The following MCEMP1 variants were observed in gnomAD, a reference collection of about 807,000 sequenced individuals.
MCEMP1 encodes the protein mast cell expressed membrane protein 1, also known as mast cell-expressed membrane protein 1.
A neutral mutation model predicts 27.9 loss-of-function variants in MCEMP1; 17 were observed. That is an observed-to-expected ratio of 0.61 (90% confidence interval 0.42 to 0.91). MCEMP1 has a LOEUF of 0.91. Among genes scored for constraint, MCEMP1 ranks in the 40% least tolerant of loss-of-function variants. The pLI is 0.00. For missense variants in MCEMP1, 200 were observed against 204.8 expected (o/e 0.98, Z 0.14); for synonymous variants, 88 against 76.9 (o/e 1.14, Z -0.76).
chr19:7,678,214 A>G lies in MCEMP1; in HGVS notation c.256A>G (p.Ile86Val), dbSNP rs749989642. The G allele has an allele frequency of 9.3e-6, 15 of 1,614,058 alleles. No homozygotes were observed. The highest frequency in any genetic ancestry group is 1.3e-5 in the Non-Finnish European group (15 of 1,179,988). The part of the protein sequence containing the change: ...LLALAFVLCI[I>V]LSAFIMVKNA... Reference sequence around the variant, plus strand: ...GGCCCTGGCCTTTGTCCTCTGCATCATCCTGTCAGCCTTCATCATGGTGAA... The same window carrying G: ...GGCCCTGGCCTTTGTCCTCTGCATCGTCCTGTCAGCCTTCATCATGGTGAA... Residue 86 changes from isoleucine (I) to valine (V), a missense_variant, in exon 3 of 7, where the codon ATC becomes GTC. Physicochemically the swap from Ile to Val is conservative, Grantham distance 29. Coordinates refer to ENST00000333598, the MANE Select transcript of MCEMP1 (RefSeq NM_174918.3). This position sits in a 1 kb window ranked among gnomAD's most constrained non-coding sequence, Gnocchi z 4.8.
chr19:7,679,236 AG>A lies in MCEMP1; in HGVS notation c.*123del, dbSNP rs2032593672. 4.1e-6 allele frequency: 5 copies of A among 1,205,466 alleles called. No homozygotes were observed. In the Admixed American group the frequency reaches 1.2e-4, roughly 28 times the overall value. The allele number at this position is 1,205,466 out of a possible 1,614,324, so 74.7% of individuals were successfully genotyped here. A position where few individuals can be genotyped will look rare whatever the true frequency, so the allele number is the denominator to read the frequency against. ...TGAACCTGCCCCTCGTCCCACGTAT[AG>A]AAAAACCTCGAGTCATGGTGAATGA... On this transcript the variant is annotated 3_prime_UTR_variant, in exon 7 of 7. Transcript: ENST00000333598. This position sits in a 1 kb window ranked among gnomAD's most constrained non-coding sequence, Gnocchi z 4.9.
In MCEMP1 at chr19:7,678,914, C is replaced by T. The variant is rs1015899791; in HGVS notation, c.449-10C>T. 1.8e-5 allele frequency: 27 copies of T among 1,520,546 alleles called. No individual in the cohort carries two copies. The highest frequency in any genetic ancestry group is 1.4e-4 in the African/African-American group (10 of 72,626). The allele number at this position is 1,520,546 out of a possible 1,614,324, so 94.2% of individuals were successfully genotyped here. ...TTATCTGTTCCCACCCAACCCTCCC[C>T]GCCCCCTAGGCATAAAAAACATTGA... On this transcript the variant is annotated splice_polypyrimidine_tract_variant and intron_variant, in intron 5 of 6. Transcript: ENST00000333598. This position sits in a 1 kb window ranked among gnomAD's most constrained non-coding sequence, Gnocchi z 4.8.
chr19:7,678,849 G>C lies in MCEMP1; in HGVS notation c.449-75G>C. The C allele has an allele frequency of 7.0e-7, 1 of 1,419,168 alleles. No individual in the cohort carries two copies. Among genetic ancestry groups the C allele is most frequent in the South Asian group, 1.3e-5 (1 of 76,922 alleles). 87.9% of individuals were successfully genotyped at this position (1,419,168 alleles called of 1,614,324 possible). ...GTGGGGCAGGGGGGGTGCTTCCAAG[G>C]AAGGTGGGGGCTTTGTTTGAGGCTC... On this transcript the variant is annotated intron_variant, in intron 5 of 6. Coordinates refer to ENST00000333598, the MANE Select transcript of MCEMP1 (RefSeq NM_174918.3). The surrounding 1 kb of genome is among the most constrained non-coding windows in gnomAD (Gnocchi z 4.8).
At position 7,679,249 on chromosome 19, in the gene MCEMP1, G is replaced by A. The variant is rs1368639028; in HGVS notation, c.*135G>A. The A allele has an allele frequency of 1.8e-6, 2 of 1,123,476 alleles. No homozygotes were observed. Among genetic ancestry groups the A allele is most frequent in the Non-Finnish European group, 2.5e-6 (2 of 800,692 alleles). 69.6% of individuals were successfully genotyped at this position (1,123,476 alleles called of 1,614,324 possible). A position where few individuals can be genotyped will look rare whatever the true frequency, so the allele number is the denominator to read the frequency against. On this transcript the variant is annotated 3_prime_UTR_variant, in exon 7 of 7. Coordinates refer to ENST00000333598, the MANE Select transcript of MCEMP1 (RefSeq NM_174918.3). This position sits in a 1 kb window ranked among gnomAD's most constrained non-coding sequence, Gnocchi z 4.9. ...CGTCCCACGTATAGAAAAACCTCGA[G>A]TCATGGTGAATGAGTGTCTCGGAGT...
chr19:7,678,634 G>A lies in MCEMP1; in HGVS notation c.448+30G>A, dbSNP rs936648983. On this transcript the variant is annotated intron_variant, in intron 5 of 6. Transcript: ENST00000333598. The surrounding 1 kb of genome is among the most constrained non-coding windows in gnomAD (Gnocchi z 4.8). ...CTGTGTAGTCTCGCCTTCTATGGGG[G>A]TTATTTGTCACCAATGCCCGGAGCT... 6.3e-7 allele frequency: 1 copy of A among 1,578,418 alleles called. No homozygotes were observed. The highest frequency in any genetic ancestry group is 8.7e-7 in the Non-Finnish European group (1 of 1,151,988).
At position 7,678,842 on chromosome 19, in the gene MCEMP1, T is replaced by C; in HGVS notation, c.449-82T>C. 7.2e-7 allele frequency: 1 copy of C among 1,397,740 alleles called. No homozygotes were observed. Among genetic ancestry groups the C allele is most frequent in the East Asian group, 2.5e-5 (1 of 40,106 alleles). The allele number at this position is 1,397,740 out of a possible 1,614,324, so 86.6% of individuals were successfully genotyped here. On this transcript the variant is annotated intron_variant, in intron 5 of 6. Transcript: ENST00000333598. This position sits in a 1 kb window ranked among gnomAD's most constrained non-coding sequence, Gnocchi z 4.8. ...GGTGGGTGTGGGGCAGGGGGGGTGC[T>C]TCCAAGGAAGGTGGGGGCTTTGTTT...
In MCEMP1 at chr19:7,677,284, A is replaced by T. The variant is rs1727305772; in HGVS notation, c.55+109A>T. 1.0e-6 allele frequency: 1 copy of T among 970,086 alleles called. No homozygotes were observed. Among genetic ancestry groups the T allele is most frequent in the South Asian group, 1.5e-5 (1 of 66,982 alleles). The allele number at this position is 970,086 out of a possible 1,614,324, so 60.1% of individuals were successfully genotyped here. A position where few individuals can be genotyped will look rare whatever the true frequency, so the allele number is the denominator to read the frequency against. On this transcript the variant is annotated intron_variant, in intron 1 of 6. Coordinates refer to ENST00000333598, the MANE Select transcript of MCEMP1 (RefSeq NM_174918.3). The surrounding 1 kb of genome is among the most constrained non-coding windows in gnomAD (Gnocchi z 4.6). ...CACTTTGGGAGGCTGAGGCGGGAGG[A>T]TTGCGTGAGCCCTGGAGGTGGAGAC...
Position 7,678,899 on chromosome 19 carries a change from C to T in MCEMP1, c.449-25C>T. On this transcript the variant is annotated intron_variant, in intron 5 of 6. Coordinates refer to ENST00000333598, the MANE Select transcript of MCEMP1 (RefSeq NM_174918.3). This position sits in a 1 kb window ranked among gnomAD's most constrained non-coding sequence, Gnocchi z 4.8. ...CCACCGCAGCTTGACTTATCTGTTC[C>T]CACCCAACCCTCCCCGCCCCCTAGG... 2 of 946,648 alleles carry T rather than the reference C, an allele frequency of 2.1e-6. No individual in the cohort carries two copies. The highest frequency in any genetic ancestry group is 1.4e-5 in the South Asian group (1 of 72,356). 58.6% of individuals were successfully genotyped at this position (946,648 alleles called of 1,614,324 possible). A position where few individuals can be genotyped will look rare whatever the true frequency, so the allele number is the denominator to read the frequency against.
At position 7,677,751 on chromosome 19, in the gene MCEMP1, A is replaced by G; in HGVS notation, c.145+25A>G. On this transcript the variant is annotated intron_variant, in intron 2 of 6. Coordinates refer to ENST00000333598, the MANE Select transcript of MCEMP1 (RefSeq NM_174918.3). The surrounding 1 kb of genome is among the most constrained non-coding windows in gnomAD (Gnocchi z 4.6). ...GGTGAGCAGACACCCACCTGCTCAC[A>G]TCCCATCACCTTGGGAAGGGGCAGG... is the stretch of plus-strand genomic sequence containing the variant. The G allele has an allele frequency of 6.4e-7, 1 of 1,560,962 alleles. No individual in the cohort carries two copies. The highest frequency in any genetic ancestry group is 8.7e-7 in the Non-Finnish European group (1 of 1,148,924).
Position 7,678,293 on chromosome 19 carries a change from T to A in MCEMP1, c.283+52T>A, listed in dbSNP as rs1393712945. 3 of 1,613,942 alleles carry A rather than the reference T, an allele frequency of 1.9e-6. No individual in the cohort carries two copies. The highest frequency in any genetic ancestry group is 2.5e-6 in the Non-Finnish European group (3 of 1,179,974). ...TGGGGGGCCTAGACTTTCTCCCTTG[T>A]CCTTCTCTCTCTCTCTCCCTGGGTG... is the stretch of plus-strand genomic sequence containing the variant. On this transcript the variant is annotated intron_variant, in intron 3 of 6. Transcript: ENST00000333598. This position sits in a 1 kb window ranked among gnomAD's most constrained non-coding sequence, Gnocchi z 4.8.
At position 7,678,709 on chromosome 19, in the gene MCEMP1, C is replaced by G. The variant is rs1288688829; in HGVS notation, c.448+105C>G. 8.0e-7 allele frequency: 1 copy of G among 1,250,014 alleles called. No homozygotes were observed. Among genetic ancestry groups the G allele is most frequent in the East Asian group, 2.5e-5 (1 of 40,206 alleles). The allele number at this position is 1,250,014 out of a possible 1,614,324, so 77.4% of individuals were successfully genotyped here. ...GAGGAGAAAGCCGGGGTCCTACCCT[C>G]CCAAAGCTCAAGTTGTGGAGGGGCG... On this transcript the variant is annotated intron_variant, in intron 5 of 6. Coordinates refer to ENST00000333598, the MANE Select transcript of MCEMP1 (RefSeq NM_174918.3). The surrounding 1 kb of genome is among the most constrained non-coding windows in gnomAD (Gnocchi z 4.8).
chr19:7,678,509 C>T lies in MCEMP1; in HGVS notation c.353C>T (p.Ala118Val), dbSNP rs2032578817. ...ELWNVSNSVQ[A>V]CEERQKRGWD... The stretch of plus-strand genomic sequence containing the variant: ...CCCTCAGTCTCAAACTCCGTACAAG[C>T]ATGCGAAGAGAGACAGAAGAGAGGC... The change falls in exon 5 of 7, where the codon GCA becomes GTA. Residue 118 changes from alanine to valine, a missense_variant. Transcript: ENST00000333598. This position sits in a 1 kb window ranked among gnomAD's most constrained non-coding sequence, Gnocchi z 4.8. 2 of 1,613,958 alleles carry T rather than the reference C, an allele frequency of 1.2e-6. No homozygotes were observed. Among genetic ancestry groups the T allele is most frequent in the African/African-American group, 1.3e-5 (1 of 74,888 alleles).
At position 7,678,008 on chromosome 19, in the gene MCEMP1, G is replaced by C; in HGVS notation, c.146-96G>C. 2.7e-6 allele frequency: 4 copies of C among 1,487,366 alleles called. No individual in the cohort carries two copies. The highest frequency in any genetic ancestry group is 2.7e-5 in the South Asian group (2 of 74,544). The allele number at this position is 1,487,366 out of a possible 1,614,324, so 92.1% of individuals were successfully genotyped here. ...CATGACCACAGCTGCTGATGGTTTT[G>C]AGAGGAGCGAGGTGTCCATGGTGTT... On this transcript the variant is annotated intron_variant, in intron 2 of 6. Coordinates refer to ENST00000333598, the MANE Select transcript of MCEMP1 (RefSeq NM_174918.3). This position sits in a 1 kb window ranked among gnomAD's most constrained non-coding sequence, Gnocchi z 4.8.
chr19:7,678,732 G>A lies in MCEMP1; in HGVS notation c.448+128G>A, dbSNP rs572375297. 2.9e-4 allele frequency: 328 copies of A among 1,118,152 alleles called. 1 individual carries two copies. Among genetic ancestry groups the A allele is most frequent in the Admixed American group, 5.0e-4 (24 of 48,110 alleles). The allele number at this position is 1,118,152 out of a possible 1,614,324, so 69.3% of individuals were successfully genotyped here. On this transcript the variant is annotated intron_variant, in intron 5 of 6. Coordinates refer to ENST00000333598, the MANE Select transcript of MCEMP1 (RefSeq NM_174918.3). The surrounding 1 kb of genome is among the most constrained non-coding windows in gnomAD (Gnocchi z 4.8). The stretch of plus-strand genomic sequence containing the variant: ...CTCCCAAAGCTCAAGTTGTGGAGGG[G>A]CGATGGGTGTTACCATCTGGGTTGC...
chr19:7,677,302 G>GC lies in MCEMP1; in HGVS notation c.55+127_55+128insC. On this transcript the variant is annotated intron_variant, in intron 1 of 6. Coordinates refer to ENST00000333598, the MANE Select transcript of MCEMP1 (RefSeq NM_174918.3). This position sits in a 1 kb window ranked among gnomAD's most constrained non-coding sequence, Gnocchi z 4.6. ...CGGGAGGATTGCGTGAGCCCTGGAG[G>GC]TGGAGACTGGCCTGGGCAACATAGG... The GC allele has an allele frequency of 1.2e-6, 1 of 801,496 alleles. No individual in the cohort carries two copies. The highest frequency in any genetic ancestry group is 2.0e-6 in the Non-Finnish European group (1 of 492,310). 49.6% of individuals were successfully genotyped at this position (801,496 alleles called of 1,614,324 possible).
Position 7,678,390 on chromosome 19 carries a change from G to A in MCEMP1, c.324G>A (p.Glu108=), listed in dbSNP as rs749774425. Residue 108 remains glutamate (E), a synonymous_variant, in exon 4 of 7, where the codon GAG becomes GAA. Coordinates refer to ENST00000333598, the MANE Select transcript of MCEMP1 (RefSeq NM_174918.3). The surrounding 1 kb of genome is among the most constrained non-coding windows in gnomAD (Gnocchi z 4.8). Reference sequence around the variant, plus strand: ...AGGAGCTGCTGGGCTTTAAAAGGGAGCTTTGGAATGGTGAGCGGAGGGTCT... The same window carrying A: ...AGGAGCTGCTGGGCTTTAAAAGGGAACTTTGGAATGGTGAGCGGAGGGTCT... ...MSKELLGFKR[E]LWNVSNSVQA... 6.2e-7 allele frequency: 1 copy of A among 1,614,126 alleles called. No individual in the cohort carries two copies. Among genetic ancestry groups the A allele is most frequent in the Non-Finnish European group, 8.5e-7 (1 of 1,180,040 alleles).
chr19:7,677,266 G>A lies in MCEMP1; in HGVS notation c.55+91G>A. 1 of 1,193,762 alleles carries A rather than the reference G, an allele frequency of 8.4e-7. No homozygotes were observed. Among genetic ancestry groups the A allele is most frequent in the Non-Finnish European group, 1.2e-6 (1 of 830,456 alleles). The allele number at this position is 1,193,762 out of a possible 1,614,324, so 73.9% of individuals were successfully genotyped here. ...TCATGTCTGTAATCCTAGCACTTTG[G>A]GAGGCTGAGGCGGGAGGATTGCGTG... is the stretch of plus-strand genomic sequence containing the variant. On this transcript the variant is annotated intron_variant, in intron 1 of 6. Transcript: ENST00000333598. This position sits in a 1 kb window ranked among gnomAD's most constrained non-coding sequence, Gnocchi z 4.6.
Position 7,678,319 on chromosome 19 carries a change from C to T in MCEMP1, c.284-31C>T, listed in dbSNP as rs751167532. The T allele has an allele frequency of 6.2e-7, 1 of 1,614,022 alleles. No homozygotes were observed. Among genetic ancestry groups the T allele is most frequent in the Admixed American group, 1.7e-5 (1 of 59,996 alleles). On this transcript the variant is annotated intron_variant, in intron 3 of 6. Coordinates refer to ENST00000333598, the MANE Select transcript of MCEMP1 (RefSeq NM_174918.3). The surrounding 1 kb of genome is among the most constrained non-coding windows in gnomAD (Gnocchi z 4.8). Reference sequence around the variant, plus strand: ...CCTTCTCTCTCTCTCTCCCTGGGTGCTTCAAGGATTTTCCTGCCCCTCCTG... The same window carrying T: ...CCTTCTCTCTCTCTCTCCCTGGGTGTTTCAAGGATTTTCCTGCCCCTCCTG...
Position 7,677,499 on chromosome 19 carries a change from C to A in MCEMP1, c.56-138C>A. 1.1e-6 allele frequency: 1 copy of A among 872,050 alleles called. No individual in the cohort carries two copies. Among genetic ancestry groups the A allele is most frequent in the South Asian group, 1.5e-5 (1 of 67,326 alleles). 54.0% of individuals were successfully genotyped at this position (872,050 alleles called of 1,614,324 possible). On this transcript the variant is annotated intron_variant, in intron 1 of 6. Transcript: ENST00000333598. This position sits in a 1 kb window ranked among gnomAD's most constrained non-coding sequence, Gnocchi z 4.6. Reference sequence around the variant, plus strand: ...ACTCTCACACACCCGCTCCACTTAACCAAAAAGCAGATTTTAGCTTCTCAC... The same window carrying A: ...ACTCTCACACACCCGCTCCACTTAAACAAAAAGCAGATTTTAGCTTCTCAC...
Sources: gnomAD v4.1 joint callset for allele counts on GRCh38, gnomAD v4.1.1 for gene constraint, Gnocchi (gnomAD v3.1) non-coding constraint, MANE v1.5 for transcripts, NCBI Gene and HGNC (gene_info 2026-07-23, HGNC 2026-07-21) for gene names.